Variants in GALNT8 observed in about 807,000 individuals in gnomAD.
The protein encoded by GALNT8 is probable polypeptide N-acetylgalactosaminyltransferase 8.
In GALNT8, 66 loss-of-function variants were observed where a neutral mutation model predicts 62.7. The observed-to-expected ratio is 1.05, with a 90% CI of 0.86 to 1.29. The LOEUF (loss-of-function observed/expected upper bound fraction) is 1.29. Ranked by LOEUF, GALNT8 falls within the 50% of genes most tolerant of loss-of-function variation. GALNT8 has a pLI of 0.00. For missense variants in GALNT8, 771 were observed against 791.8 expected, an observed-to-expected ratio of 0.97 and a Z score of 0.32; for synonymous variants, 288 against 294.3, an observed-to-expected ratio of 0.98 and a Z score of 0.22.
intron 3 of GALNT8, 86 bp downstream of exon 3, chr12:4,739,415 G>C: frequency 1.0e-6 from 1 of 1,002,388 alleles, no homozygotes; most frequent in Non-Finnish European, 1.5e-6. Context: ...TTAGAGTTTA[G>C]GACACCTTGG....
intron 6 of GALNT8, 149 bp downstream of exon 6, chr12:4,746,407 C>T (rs1254138037): frequency 1.3e-5 from 8 of 616,728 alleles, no homozygotes; most frequent in African/African-American, 5.5e-5. Context: ...GGGCCAAGGA[C>T]GGGGGGCAAT....
chr12:4,724,373 TAA>T (rs1393976346), intron 1 of GALNT8, among the ~76,000 whole-genome samples: 1 of 152,150 alleles, frequency 6.6e-6, no homozygotes, highest in Non-Finnish European at 1.5e-5. Flanking sequence ...AGTTTCAGTA[TAA>T]GTTATGGGGA....
In GALNT8 at chr12:4,761,097, A is replaced by C. The variant is rs559663039; in HGVS notation, c.1313A>C (p.Asp438Ala). 1 of 1,613,982 alleles carries C rather than the reference A, an allele frequency of 6.2e-7. No homozygotes were observed. The highest frequency in any genetic ancestry group is 1.1e-5 in the South Asian group (1 of 91,070). Residue 438 changes from aspartate to alanine, a missense_variant, in exon 7 of 11, where the codon GAT (aspartate) becomes GCT (alanine). Transcript: ENST00000252318. ...NALRVAEIWM[D>A]EHKHMVYLAW... ...CTGCGAGTGGCCGAAATCTGGATGG[A>C]TGAGCACAAACACATGGTCTACTTG...
At chr12:4,771,017 G>T (rs1004704283) in intron 10 of GALNT8, among the ~76,000 whole-genome samples, 2 of 152,156 alleles carry the variant, frequency 1.3e-5, no homozygotes, top group East Asian at 3.9e-4. Context: ...GCATGGGGCC[G>T]CTCTTTTGAG....
intron 10 of GALNT8, among the ~76,000 whole-genome samples, chr12:4,771,332 T>C (rs1946423389): frequency 6.6e-6 from 1 of 152,060 alleles, no homozygotes; most frequent in Non-Finnish European, 1.5e-5. Context: ...TTCCAGAATC[T>C]GAAGCGTTGC....
At chr12:4,745,828 G>A (rs1378827354) in intron 5 of GALNT8, among the ~76,000 whole-genome samples, 2 of 152,072 alleles carry the variant, frequency 1.3e-5, no homozygotes, top group Admixed American at 1.3e-4. Flanking sequence ...GGATATTTAG[G>A]GACTTTCAGA....
At chr12:4,727,160 C>A (rs1304361566) in intron 2 of GALNT8, among the ~76,000 whole-genome samples, 1 of 152,100 alleles carries the variant, frequency 6.6e-6, no homozygotes, top group Non-Finnish European at 1.5e-5. Context: ...TTGCGCAAGT[C>A]ACACCAAAGC....
chr12:4,727,740 A>AC (rs1221546804), intron 2 of GALNT8, among the ~76,000 whole-genome samples: 2 of 152,206 alleles, frequency 1.3e-5, no homozygotes, highest in Non-Finnish European at 2.9e-5. Flanking sequence ...GATTATACCT[A>AC]CCGCATTTCC....
intron 6 of GALNT8, among the ~76,000 whole-genome samples, 193 bp from the exon 7 acceptor site, chr12:4,760,765 A>C (rs1009674953): frequency 5.9e-5 from 9 of 152,192 alleles, no homozygotes; most frequent in African/African-American, 2.2e-4. Context: ...ATGACAGAAG[A>C]GAAGCAGTTC....
At chr12:4,725,823 G>A (rs1317182342) in intron 1 of GALNT8, among the ~76,000 whole-genome samples, 1 of 152,102 alleles carries the variant, frequency 6.6e-6, no homozygotes, top group Non-Finnish European at 1.5e-5. Context: ...CAAAGTGCAG[G>A]GATTACAGGC....
At chr12:4,737,904 C>G (rs990719944) in intron 2 of GALNT8, among the ~76,000 whole-genome samples, 1 of 152,218 alleles carries the variant, frequency 6.6e-6, no homozygotes. Context: ...ATTAGACTTA[C>G]TAGCCTCCAG....
intron 10 of GALNT8, among the ~76,000 whole-genome samples, chr12:4,770,323 AAAAC>A (rs1175858329): frequency 1.3e-5 from 2 of 151,748 alleles, no homozygotes; most frequent in Admixed American, 6.6e-5. Flanking sequence ...AAAAAAACAA[AAAAC>A]AAACAACAAA....
At chr12:4,736,991 C>A (rs900571374) in intron 2 of GALNT8, among the ~76,000 whole-genome samples, 8 of 152,124 alleles carry the variant, frequency 5.3e-5, no homozygotes, top group Admixed American at 1.3e-4. Flanking sequence ...GACAATGTCT[C>A]ATCAAATAGA....
intron 2 of GALNT8, among the ~76,000 whole-genome samples, chr12:4,727,238 A>G (rs1198069700): frequency 6.6e-6 from 1 of 151,774 alleles, no homozygotes; most frequent in African/African-American, 2.4e-5. Context: ...TTGCTGGTAA[A>G]TCTAATTTGA....
chr12:4,771,865 C>T (rs149400053), intron 10 of GALNT8, among the ~76,000 whole-genome samples: 31 of 152,260 alleles, frequency 2.0e-4, no homozygotes, highest in East Asian at 3.9e-4. Flanking sequence ...CAAGCCCACA[C>T]GGTTCGTATG....
In GALNT8 at chr12:4,761,036, G is replaced by T. The variant is rs373419543; in HGVS notation, c.1252G>T (p.Ala418Ser). 3.7e-6 allele frequency: 6 copies of T among 1,613,956 alleles called. No individual in the cohort carries two copies. The African/African-American group carries it at 4.0e-5, about 11-fold the overall frequency. Residue 418 changes from alanine to serine, a missense_variant, in exon 7 of 11, where the codon GCC becomes TCC. Coordinates refer to ENST00000252318, the MANE Select transcript of GALNT8 (RefSeq NM_017417.2). Reference protein sequence around the residue: ...AHLERHHKPYALDLTAALKRN... With the variant: ...AHLERHHKPYSLDLTAALKRN... ...CCTAGAGAGACACCACAAGCCCTAC[G>T]CCTTGGATCTCACCGCTGCCTTGAA...
Position 4,720,654 on chromosome 12 carries a change from G to A in GALNT8, c.-24G>A. ...GCAGTGACACACTCAGTCCCACAGG[G>A]AGTGGACGACCCCCAGGAAGAAGAT... On this transcript the variant is annotated 5_prime_UTR_variant, in exon 1 of 11. Transcript: ENST00000252318. The A allele has an allele frequency of 6.9e-7, 1 of 1,455,206 alleles. No individual in the cohort carries two copies. The highest frequency in any genetic ancestry group is 2.3e-5 in the East Asian group (1 of 44,154). 90.1% of individuals were successfully genotyped at this position (1,455,206 alleles called of 1,614,324 possible).
chr12:4,769,117 C>T (rs1946412154), intron 10 of GALNT8, among the ~76,000 whole-genome samples: 1 of 152,016 alleles, frequency 6.6e-6, no homozygotes, highest in African/African-American at 2.4e-5. Context: ...AATAAGGGGG[C>T]ATTTGGAGAA....
At chr12:4,769,648 G>A (rs1221585341) in intron 10 of GALNT8, among the ~76,000 whole-genome samples, 1 of 151,880 alleles carries the variant, frequency 6.6e-6, no homozygotes, top group East Asian at 1.9e-4. Flanking sequence ...GAAGCAAGAT[G>A]TAAAGACCAC....
Sources: gnomAD v4.1 joint callset for allele counts (sites outside exome capture counted in the v4.1 genomes callset) on GRCh38, gnomAD v4.1.1 for gene constraint, MANE v1.5 for transcripts, NCBI Gene and HGNC (gene_info 2026-07-23, HGNC 2026-07-21) for gene names.